Variants in SOX5 observed in about 807,000 individuals in gnomAD.
SOX5 encodes the protein transcription factor SOX-5.
In SOX5, 9 loss-of-function variants were observed where a neutral mutation model predicts 92.0. The observed-to-expected ratio is 0.10, with a 90% confidence interval of 0.06 to 0.17. SOX5 has a LOEUF of 0.17. SOX5 is among the 10% of genes least tolerant of loss of function. The pLI is 1.00. For synonymous variants in SOX5, 344 were observed against 336.3 expected (o/e 1.02, Z -0.25); for missense variants, 642 against 944.5 (o/e 0.68, Z 4.20).
chr12:24,522,125 T>C (rs949813502), intron 1 of SOX5, among the ~76,000 whole-genome samples: 7 of 151,456 alleles, frequency 4.6e-5, no homozygotes, highest in African/African-American at 1.7e-4. Flanking sequence ...AAAAAGATCA[T>C]AAGAAACTAT....
chr12:24,209,260 A>G (rs1169132536), intron 4 of SOX5, among the ~76,000 whole-genome samples: 2 of 152,190 alleles, frequency 1.3e-5, no homozygotes, highest in Non-Finnish European at 2.9e-5. Context: ...TCTGTGGCAG[A>G]AAGTGACAGG....
At chr12:24,392,391 C>A (rs1959084263) in intron 1 of SOX5, among the ~76,000 whole-genome samples, 1 of 152,176 alleles carries the variant, frequency 6.6e-6, no homozygotes, top group African/African-American at 2.4e-5. Flanking sequence ...AACGCCCCCA[C>A]CAGCAGCAGC....
intron 4 of SOX5, among the ~76,000 whole-genome samples, chr12:24,057,017 G>C (rs1411039525): frequency 7.1e-6 from 1 of 141,480 alleles, no homozygotes; most frequent in Non-Finnish European, 1.6e-5. Context: ...AAGAAAGTAA[G>C]TAAGTAAATG....
intron 2 of SOX5, among the ~76,000 whole-genome samples, chr12:23,890,320 C>CA (rs201083567): frequency 0.012 from 1,120 of 92,352 alleles, 9 homozygotes; most frequent in South Asian, 0.042. Flanking sequence ...AACTCCATTT[C>CA]AAAAAAAAAA....
intron 1 of SOX5, among the ~76,000 whole-genome samples, chr12:24,405,834 G>T (rs976520670): frequency 1.3e-5 from 2 of 152,160 alleles, no homozygotes; most frequent in African/African-American, 4.8e-5. Flanking sequence ...AAGTTATAAA[G>T]GATCAACAGA....
At chr12:23,825,090 G>C (rs2096204081) in intron 3 of SOX5, among the ~76,000 whole-genome samples, 1 of 152,200 alleles carries the variant, frequency 6.6e-6, no homozygotes. Flanking sequence ...CCCTTTCCAG[G>C]GGGAGTGAAC....
chr12:23,708,971 G>T (rs1182872382), intron 6 of SOX5, among the ~76,000 whole-genome samples: 1 of 152,148 alleles, frequency 6.6e-6, no homozygotes, highest in Admixed American at 6.6e-5. Context: ...AGATCATCAT[G>T]AAAACCATTT....
At chr12:24,391,821 C>T (rs1368538905) in intron 1 of SOX5, among the ~76,000 whole-genome samples, 1 of 152,096 alleles carries the variant, frequency 6.6e-6, no homozygotes, top group Non-Finnish European at 1.5e-5. Flanking sequence ...TAAAAGGTAA[C>T]ATATAGAAAA....
intron 4 of SOX5, among the ~76,000 whole-genome samples, chr12:24,046,837 GC>G (rs1473193189): frequency 1.5e-5 from 2 of 131,634 alleles, no homozygotes. Flanking sequence ...CCACCACCAT[GC>G]CCGGCTAACT....
chr12:24,004,837 T>C (rs557246219), intron 4 of SOX5, among the ~76,000 whole-genome samples: 33 of 151,950 alleles, frequency 2.2e-4, no homozygotes, highest in Non-Finnish European at 3.5e-4. Context: ...TTAGTCACAA[T>C]AGACCAAAAA....
intron 1 of SOX5, among the ~76,000 whole-genome samples, chr12:24,520,105 G>C (rs1950138409): frequency 6.6e-6 from 1 of 151,064 alleles, no homozygotes; most frequent in African/African-American, 2.4e-5. Context: ...AAATCAAGCA[G>C]AGATAAAAAG....
intron 4 of SOX5, among the ~76,000 whole-genome samples, chr12:24,067,010 A>G (rs1940860858): frequency 6.6e-6 from 1 of 152,204 alleles, no homozygotes; most frequent in Admixed American, 6.5e-5. Context: ...CTCTGTTCCA[A>G]GCCCTACCAA....
intron 14 of SOX5, among the ~76,000 whole-genome samples, chr12:23,535,379 G>C (rs540269249): frequency 6.6e-6 from 1 of 152,172 alleles, no homozygotes. Context: ...CAGCTTCATG[G>C]ATGTACAAAC....
intron 6 of SOX5, among the ~76,000 whole-genome samples, chr12:23,693,239 T>C (rs897488622): frequency 6.6e-6 from 1 of 152,102 alleles, no homozygotes; most frequent in African/African-American, 2.4e-5. Context: ...TTTTCGTGCC[T>C]CAGCCTCTCA....
intron 4 of SOX5, among the ~76,000 whole-genome samples, chr12:24,129,618 C>T (rs896227044): frequency 1.3e-5 from 2 of 152,110 alleles, no homozygotes; most frequent in African/African-American, 4.8e-5. Context: ...GGGCTGCCAG[C>T]ATCGCAAAAG....
At chr12:23,549,519 A>G (rs1332149530) in intron 11 of SOX5, among the ~76,000 whole-genome samples, 1 of 151,982 alleles carries the variant, frequency 6.6e-6, no homozygotes, top group African/African-American at 2.4e-5. Context: ...GAAAATGACA[A>G]GATTGATTGG....
At chr12:24,492,800 A>G (rs910655063) in intron 1 of SOX5, among the ~76,000 whole-genome samples, 1 of 152,212 alleles carries the variant, frequency 6.6e-6, no homozygotes, top group Admixed American at 6.5e-5. Context: ...ATTGTTACAT[A>G]TAAGGTCTCA....
chr12:24,505,858 T>TGTGCGCGC (rs1948680285), intron 1 of SOX5, among the ~76,000 whole-genome samples: 1 of 71,136 alleles, frequency 1.4e-5, no homozygotes, highest in Non-Finnish European at 3.3e-5. Context: ...TGTGTGCGTG[T>TGTGCGCGC]GTGTGTGTGT....
chr12:23,737,376 T>A (rs1256763319), intron 5 of SOX5, among the ~76,000 whole-genome samples: 1 of 151,932 alleles, frequency 6.6e-6, no homozygotes, highest in Non-Finnish European at 1.5e-5. Context: ...CCGTCTCTAC[T>A]AAAAATACAA....
Sources: gnomAD v4.1 joint callset for allele counts (sites outside exome capture counted in the v4.1 genomes callset) on GRCh38, gnomAD v4.1.1 for gene constraint, MANE v1.5 for transcripts, NCBI Gene and HGNC (gene_info 2026-07-23, HGNC 2026-07-21) for gene names.